BTAF1: variants seen among roughly 807,000 people sequenced by gnomAD.
The protein encoded by BTAF1 is TATA-binding protein-associated factor 172.
In BTAF1, 38 loss-of-function variants were observed where a neutral mutation model predicts 227.1. The ratio of observed to expected loss-of-function variants is 0.17; its 90% CI spans 0.13 to 0.22. The LOEUF is 0.22. Among genes scored for constraint, BTAF1 ranks in the 10% least tolerant of loss-of-function variants. The pLI, the probability that BTAF1 is intolerant of heterozygous loss-of-function variation, is 1.00. For missense variants in BTAF1, 1,598 were observed against 2,204.0 expected (o/e 0.73, Z 5.51); for synonymous variants, 742 against 751.9 (o/e 0.99, Z 0.21).
At chr10:92,009,230 C>T in intron 28 of BTAF1, 22 bp downstream of exon 28, 1 of 1,597,112 alleles carries the variant, frequency 6.3e-7, no homozygotes, top group Non-Finnish European at 8.6e-7. Context: ...ATGACAATAA[C>T]AAAATATTTC....
At chr10:91,975,432 A>G (rs1847615973) in intron 14 of BTAF1, among the ~76,000 whole-genome samples, 1 of 152,246 alleles carries the variant, frequency 6.6e-6, no homozygotes, top group Admixed American at 6.5e-5. Flanking sequence ...AAAAGGAGAG[A>G]GCAAAGTTGA....
intron 3 of BTAF1, among the ~76,000 whole-genome samples, chr10:91,940,940 G>C (rs1419042976): frequency 6.6e-6 from 1 of 152,056 alleles, no homozygotes; most frequent in Non-Finnish European, 1.5e-5. Flanking sequence ...GCATGATTTA[G>C]CCTCAAGCTG....
intron 19 of BTAF1, among the ~76,000 whole-genome samples, chr10:91,987,400 G>A (rs560712346): frequency 4.6e-5 from 7 of 152,064 alleles, no homozygotes; most frequent in Non-Finnish European, 7.4e-5. Flanking sequence ...GGAGAATGGC[G>A]TGAACCCAGG....
chr10:91,934,437 A>G (rs780632897), intron 1 of BTAF1, among the ~76,000 whole-genome samples: 25 of 152,086 alleles, frequency 1.6e-4, no homozygotes, highest in Non-Finnish European at 3.1e-4. Context: ...GGGTTTAACC[A>G]TGATGGCCAG....
At position 92,022,838 on chromosome 10, in the gene BTAF1, G is replaced by C. The variant is rs536001623; in HGVS notation, c.4864-1918G>C. 6.6e-5 allele frequency among the ~76,000 whole-genome samples: 10 copies of C among 152,226 alleles called. No individual in the cohort carries two copies. The South Asian group carries it at 2.1e-3, about 32-fold the overall frequency. ...ATCGCAGATTTAAGGCAAGATGTAG[G>C]GGTAATTACATCGATCAGACTTGTT... On this transcript the variant is annotated intron_variant, in intron 34 of 37. Coordinates refer to ENST00000265990, the MANE Select transcript of BTAF1 (RefSeq NM_003972.3).
chr10:91,956,297 C>G (rs1181424947), intron 6 of BTAF1, among the ~76,000 whole-genome samples: 2 of 152,086 alleles, frequency 1.3e-5, no homozygotes, highest in Non-Finnish European at 2.9e-5. Flanking sequence ...AAAGAATTCA[C>G]CAACCTATAG....
chr10:91,947,237 T>G (rs1845434994), intron 4 of BTAF1, among the ~76,000 whole-genome samples: 1 of 152,228 alleles, frequency 6.6e-6, no homozygotes, highest in Non-Finnish European at 1.5e-5. Flanking sequence ...GAAGTCCAAT[T>G]TTTTTGTATT....
In BTAF1 at chr10:91,925,005, A is replaced by AT. The variant is rs575361888; in HGVS notation, c.14+922dup. On this transcript the variant is annotated intron_variant, in intron 1 of 37. Coordinates refer to ENST00000265990, the MANE Select transcript of BTAF1 (RefSeq NM_003972.3). ...TAAATGATGAAAACAAATAGTTTTC[A>AT]TTTTTTTATAATTAACTGAACACAT... 2.7e-4 allele frequency among the ~76,000 whole-genome samples: 41 copies of AT among 152,274 alleles called. No individual in the cohort carries two copies. The East Asian group carries it at 4.4e-3, about 16-fold the overall frequency.
intron 25 of BTAF1, among the ~76,000 whole-genome samples, chr10:91,998,547 G>C (rs1849292926): frequency 6.6e-6 from 1 of 152,164 alleles, no homozygotes; most frequent in African/African-American, 2.4e-5. Context: ...CAAATAATGT[G>C]TGGCCAATGC....
chr10:91,970,948 T>G (rs2133939745), intron 14 of BTAF1, among the ~76,000 whole-genome samples: 1 of 152,332 alleles, frequency 6.6e-6, no homozygotes, highest in South Asian at 2.1e-4. Flanking sequence ...CACAGACGTT[T>G]TACTGAATAT....
chr10:91,947,774 A>G (rs1845479722), intron 4 of BTAF1, among the ~76,000 whole-genome samples: 1 of 138,480 alleles, frequency 7.2e-6, no homozygotes, highest in African/African-American at 2.6e-5. Flanking sequence ...TGGGATTTTG[A>G]TAGCAATTTT....
Position 91,984,235 on chromosome 10 carries a change from G to T in BTAF1, c.2258G>T (p.Arg753Leu), listed in dbSNP as rs777326643. ...CKAVTLAVQPRLLDILSEHLY... is the reference protein window; with the variant it reads ...CKAVTLAVQPLLLDILSEHLY... ...GCTGTTACCTTAGCTGTGCAGCCGC[G>T]TTTACTTGATATCCTTTCAGAACAT... Residue 753 changes from arginine to leucine, a missense_variant, in exon 19 of 38, where the codon CGT (arginine) becomes CTT (leucine). Arg to Leu is a moderately radical substitution (Grantham distance 102, BLOSUM62 -2). Coordinates refer to ENST00000265990, the MANE Select transcript of BTAF1 (RefSeq NM_003972.3). 1.2e-6 allele frequency: 2 copies of T among 1,613,684 alleles called. No homozygotes were observed. The highest frequency in any genetic ancestry group is 3.3e-5 in the Admixed American group (2 of 59,986).
In BTAF1 at chr10:92,013,573, A is replaced by G. The variant is rs142870759; in HGVS notation, c.4312-94A>G. 144 of 1,463,216 alleles carry G rather than the reference A, an allele frequency of 9.8e-5. No individual in the cohort carries two copies. In the East Asian group the frequency reaches 2.8e-3, roughly 29 times the overall value. 90.6% of individuals were successfully genotyped at this position (1,463,216 alleles called of 1,614,324 possible). On this transcript the variant is annotated intron_variant, in intron 30 of 37. Transcript: ENST00000265990. Reference sequence around the variant, plus strand: ...AAAATATAGTGATAATCTCTCATCTATATGATTATAATAATGGGCTTTCAT... The same window carrying G: ...AAAATATAGTGATAATCTCTCATCTGTATGATTATAATAATGGGCTTTCAT...
Position 92,026,622 on chromosome 10 carries a change from G to A in BTAF1, c.5106G>A (p.Leu1702=), listed in dbSNP as rs905862081. 1 of 1,613,636 alleles carries A rather than the reference G, an allele frequency of 6.2e-7. No individual in the cohort carries two copies. The highest frequency in any genetic ancestry group is 8.5e-7 in the Non-Finnish European group (1 of 1,179,720). The part of the protein sequence containing the change: ...RFNNDPSIDV[L]LLTTHVGGLG... The stretch of plus-strand genomic sequence containing the variant: ...ATAATGATCCATCTATAGACGTTCT[G>A]TTACTTACCACTCACGTTGGTGGCC... The change falls in exon 36 of 38, where the codon CTG becomes CTA. Residue 1702 remains leucine, a synonymous_variant. Transcript: ENST00000265990.
At chr10:91,933,980 A>G (rs1028559223) in intron 1 of BTAF1, among the ~76,000 whole-genome samples, 4 of 152,214 alleles carry the variant, frequency 2.6e-5, no homozygotes, top group Admixed American at 2.0e-4. Context: ...TCTTGGTCCT[A>G]CTATCTGTCT....
chr10:92,009,004 C>T (rs1564714260), intron 27 of BTAF1, 37 bp from the exon 28 acceptor site: 2 of 1,612,032 alleles, frequency 1.2e-6, no homozygotes, highest in Non-Finnish European at 1.7e-6. Flanking sequence ...GAAATGTAAA[C>T]AAGCTGGTTA....
rs1273174361 is a variant in BTAF1, at chr10:91,966,691, C to T, written c.1584C>T (p.His528=). The T allele has an allele frequency of 4.3e-6, 7 of 1,613,796 alleles. No homozygotes were observed. The highest frequency in any genetic ancestry group is 5.1e-6 in the Non-Finnish European group (6 of 1,179,878). The change falls in exon 14 of 38, where the codon CAC becomes CAT. Residue 528 remains histidine, a synonymous_variant. Coordinates refer to ENST00000265990, the MANE Select transcript of BTAF1 (RefSeq NM_003972.3). The stretch of plus-strand genomic sequence containing the variant: ...CACGTGTCTGGCCTTTTTTGCATCA[C>T]ACTATATCATCAGTTCGAAGAGCAG... ...LVPRVWPFLH[H]TISSVRRAAL...
intron 37 of BTAF1, among the ~76,000 whole-genome samples, chr10:92,028,063 T>A (rs1425658696): frequency 1.3e-5 from 2 of 152,216 alleles, no homozygotes; most frequent in Non-Finnish European, 2.9e-5. Flanking sequence ...AAGTCCCTGG[T>A]GGCCAGAATG....
At chr10:91,976,721 A>G (rs890389630) in intron 14 of BTAF1, among the ~76,000 whole-genome samples, 1 of 152,212 alleles carries the variant, frequency 6.6e-6, no homozygotes, top group African/African-American at 2.4e-5. Context: ...GCATATTGGC[A>G]ACTATTCCTT....
Sources: allele counts gnomAD v4.1 joint callset (sites outside exome capture counted in the v4.1 genomes callset), GRCh38; gene constraint gnomAD v4.1.1; transcripts MANE v1.5; gene names NCBI Gene and HGNC (gene_info 2026-07-23, HGNC 2026-07-21).